MKLN1: variants seen among roughly 807,000 people sequenced by gnomAD.
The protein encoded by MKLN1 is muskelin 1.
MKLN1 carries 18 observed loss-of-function variants against 99.0 expected under a neutral mutation model. The ratio of observed to expected loss-of-function variants is 0.18; its 90% CI spans 0.13 to 0.27. The LOEUF (loss-of-function observed/expected upper bound fraction) is 0.27, where lower values mean the gene tolerates loss of function less well. Among genes scored for constraint, MKLN1 ranks in the 10% least tolerant of loss-of-function variants. MKLN1 has a pLI of 1.00. For synonymous variants in MKLN1, 288 were observed against 293.2 expected (o/e 0.98, Z 0.18); for missense variants, 621 against 875.9 (o/e 0.71, Z 3.67).
intron 8 of MKLN1, among the ~76,000 whole-genome samples, chr7:131,427,279 G>T (rs1431777419): frequency 6.6e-6 from 1 of 152,178 alleles, no homozygotes; most frequent in African/African-American, 2.4e-5. Context: ...GTAGAAGATA[G>T]CCTAACTCTG....
At chr7:131,442,134 G>A (rs1004165541) in intron 10 of MKLN1, among the ~76,000 whole-genome samples, 35 of 152,284 alleles carry the variant, frequency 2.3e-4, no homozygotes, top group Non-Finnish European at 4.3e-4. Flanking sequence ...CTTAATTTAT[G>A]GAAGTCTTTG....
chr7:131,367,893 C>T (rs968831647), intron 1 of MKLN1, among the ~76,000 whole-genome samples: 16 of 152,176 alleles, frequency 1.1e-4, no homozygotes, highest in African/African-American at 3.6e-4. Flanking sequence ...GGGTATTCCG[C>T]TTTTAAAAAC....
intron 3 of MKLN1, among the ~76,000 whole-genome samples, chr7:131,270,403 T>C (rs928955953): frequency 6.6e-6 from 1 of 152,200 alleles, no homozygotes; most frequent in Non-Finnish European, 1.5e-5. Context: ...GTGTTTTTAG[T>C]AGAGACAGGG....
intron 3 of MKLN1, among the ~76,000 whole-genome samples, chr7:131,208,495 C>T (rs576042762): frequency 9.2e-5 from 14 of 151,992 alleles, no homozygotes; most frequent in Admixed American, 2.6e-4. Flanking sequence ...CTTGGGAGGC[C>T]GAGGCAGGAG....
chr7:131,200,347 A>G (rs1796708870), intron 2 of MKLN1, among the ~76,000 whole-genome samples: 1 of 152,166 alleles, frequency 6.6e-6, no homozygotes. Context: ...TTTGGGCAAA[A>G]AGTTTAAGTA....
chr7:131,374,699 T>C (rs1186002939), intron 1 of MKLN1, among the ~76,000 whole-genome samples: 7 of 152,182 alleles, frequency 4.6e-5, no homozygotes, highest in African/African-American at 1.4e-4. Context: ...AAGTTACTTA[T>C]ATCAGTTCCT....
chr7:131,346,717 CT>C (rs1420587737), intron 1 of MKLN1, among the ~76,000 whole-genome samples: 1 of 152,168 alleles, frequency 6.6e-6, no homozygotes, highest in Non-Finnish European at 1.5e-5. Context: ...TTTCGAATTA[CT>C]TGTGAATCTT....
Position 131,487,863 on chromosome 7 carries a change from C to A in MKLN1, c.*135C>A. On this transcript the variant is annotated 3_prime_UTR_variant, in exon 18 of 18. Transcript: ENST00000352689. The surrounding 1 kb of genome is among the most constrained non-coding windows in gnomAD (Gnocchi z 4.7). ...AGTTCTGAAGGGATCTTAACCATCA[C>A]AAGTTTTTACCCTCTTCCTTCATGC... is the stretch of plus-strand genomic sequence containing the variant. 1 of 1,007,236 alleles carries A rather than the reference C, an allele frequency of 9.9e-7. No homozygotes were observed. Among genetic ancestry groups the A allele is most frequent in the Non-Finnish European group, 1.4e-6 (1 of 714,690 alleles). The allele number at this position is 1,007,236 out of a possible 1,614,324, so 62.4% of individuals were successfully genotyped here. A position where few individuals can be genotyped will look rare whatever the true frequency, so the allele number is the denominator to read the frequency against.
At chr7:131,192,230 A>T (rs1180752892) in intron 2 of MKLN1, among the ~76,000 whole-genome samples, 35 of 76,836 alleles carry the variant, frequency 4.6e-4, no homozygotes, top group African/African-American at 2.0e-3. Context: ...AAATATATAC[A>T]ATATATAAAT....
At chr7:131,242,853 G>A in intron 3 of MKLN1, 1 of 663,426 alleles carries the variant, frequency 1.5e-6, no homozygotes. Context: ...GTACTCTGTG[G>A]ATATCCCCTT....
At chr7:131,275,563 ATATAT>A (rs1235062523) in intron 3 of MKLN1, among the ~76,000 whole-genome samples, 1 of 9,048 alleles carries the variant, frequency 1.1e-4, no homozygotes, top group African/African-American at 5.1e-4. Context: ...ATATATATAT[ATATAT>A]TTTTTTTTTT....
chr7:131,485,857 G>C (rs1310947684), intron 17 of MKLN1, among the ~76,000 whole-genome samples: 1 of 152,038 alleles, frequency 6.6e-6, no homozygotes, highest in Non-Finnish European at 1.5e-5. Flanking sequence ...TGCAGTGTGT[G>C]ATCTTGGATT....
At chr7:131,418,103 T>A (rs992243579) in intron 8 of MKLN1, among the ~76,000 whole-genome samples, 5 of 151,976 alleles carry the variant, frequency 3.3e-5, no homozygotes, top group Non-Finnish European at 1.5e-5. Flanking sequence ...GCACGGTGGC[T>A]CACGCCTGTA....
chr7:131,153,907 C>A (rs187902263), intron 2 of MKLN1, among the ~76,000 whole-genome samples: 2,131 of 152,078 alleles, frequency 0.014, 50 homozygotes, highest in African/African-American at 0.049. Flanking sequence ...AGGCAATCTG[C>A]CTGCCTTGGC....
chr7:131,284,427 T>C (rs1218524529), intron 3 of MKLN1, among the ~76,000 whole-genome samples: 1 of 152,212 alleles, frequency 6.6e-6, no homozygotes, highest in East Asian at 1.9e-4. Flanking sequence ...CAAGTATGCA[T>C]GTGTATATGA....
chr7:131,142,939 T>C (rs1013148099), exon 2 of MKLN1: 6 of 1,305,130 alleles, frequency 4.6e-6, no homozygotes, highest in Admixed American at 2.3e-5. Flanking sequence ...GGATTGGAAT[T>C]CGGTAAGTGT....
rs1442195749 is a variant in MKLN1 at position 131,150,824 on chromosome 7, G to A, written c.-297+7883G>A. Among the ~76,000 whole-genome samples the A allele has an allele frequency of 2.6e-5, 4 of 151,882 alleles. 1 individual carries two copies. Among genetic ancestry groups the A allele is most frequent in the African/African-American group, 4.8e-5 (2 of 41,442 alleles). On this transcript the variant is annotated intron_variant, in intron 2 of 7. Transcript: ENST00000416992. ...CATAGATTTCATAACAGGAGCTGAC[G>A]AGGGTTTATTTAGGAGAAAACGTGA... is the stretch of plus-strand genomic sequence containing the variant.
chr7:131,334,121 T>C (rs541414646), intron 1 of MKLN1, among the ~76,000 whole-genome samples: 2 of 152,334 alleles, frequency 1.3e-5, no homozygotes, highest in African/African-American at 4.8e-5. Flanking sequence ...TAATCACATA[T>C]AGTTGAAAAA....
intron 12 of MKLN1, among the ~76,000 whole-genome samples, chr7:131,448,309 T>G (rs1187377611): frequency 2.6e-5 from 4 of 152,236 alleles, no homozygotes; most frequent in African/African-American, 9.6e-5. Context: ...TAGGCTTTAA[T>G]GACTGTCATT....
Sources: allele counts gnomAD v4.1 joint callset (sites outside exome capture counted in the v4.1 genomes callset), GRCh38; gene constraint gnomAD v4.1.1; non-coding constraint Gnocchi (gnomAD v3.1); transcripts MANE v1.5; gene names NCBI Gene and HGNC (gene_info 2026-07-23, HGNC 2026-07-21).